The following SPACA7 variants were observed in gnomAD, a reference collection of about 807,000 sequenced individuals.
The protein encoded by SPACA7 is sperm acrosome-associated protein 7.
SPACA7 carries 19 observed loss-of-function variants against 26.3 expected under a neutral mutation model. The observed-to-expected ratio is 0.72, with a 90% CI of 0.50 to 1.06. SPACA7 has a LOEUF of 1.06. Among genes scored for constraint, SPACA7 ranks in the 50% least tolerant of loss-of-function variants. The pLI is 0.00. For missense variants in SPACA7, 211 were observed against 229.9 expected (o/e 0.92, Z 0.53); for synonymous variants, 84 against 84.5 (o/e 0.99, Z 0.04).
intron 2 of SPACA7, 57 bp downstream of exon 2, chr13:112,393,134 G>A: frequency 1.4e-6 from 2 of 1,417,450 alleles, no homozygotes; most frequent in Non-Finnish European, 2.0e-6. Context: ...CTGGATGGTT[G>A]TCTGTGGCTG....
chr13:112,379,151 A>G (rs1883884900), intron 1 of SPACA7, among the ~76,000 whole-genome samples: 1 of 152,224 alleles, frequency 6.6e-6, no homozygotes, highest in Non-Finnish European at 1.5e-5. Context: ...GTCCCACATC[A>G]TTAATTCTTG....
intron 2 of SPACA7, among the ~76,000 whole-genome samples, chr13:112,397,359 AG>A (rs1885341977): frequency 6.6e-6 from 1 of 152,122 alleles, no homozygotes; most frequent in African/African-American, 2.4e-5. Flanking sequence ...CTGCAGAGAC[AG>A]CGGTGACTCT....
At position 112,400,750 on chromosome 13, in the gene SPACA7, T is replaced by C. The variant is rs578184189; in HGVS notation, c.350-319T>C. ...GTATCTTTCCATTGTTTGCAATATT[T>C]TGCCATTTCAAACACAGCTGCAGTG... On this transcript the variant is annotated intron_variant, in intron 4 of 6. Coordinates refer to ENST00000283550, the MANE Select transcript of SPACA7 (RefSeq NM_145248.5). Among the ~76,000 whole-genome samples the C allele has an allele frequency of 1.8e-4, 28 of 152,350 alleles. No homozygotes were observed. The South Asian group carries it at 5.8e-3, about 32-fold the overall frequency.
At chr13:112,394,517 A>G (rs570445329) in intron 2 of SPACA7, among the ~76,000 whole-genome samples, 15 of 137,418 alleles carry the variant, frequency 1.1e-4, no homozygotes, top group African/African-American at 3.9e-4. Context: ...CCCTTTCCAC[A>G]TCTGGGTGGG....
intron 1 of SPACA7, among the ~76,000 whole-genome samples, chr13:112,383,163 AAGAAAGAAAGAAAGAAAGAAAG>A (rs1884287118): frequency 7.0e-6 from 1 of 143,120 alleles, no homozygotes; most frequent in Non-Finnish European, 1.5e-5. Context: ...GAAAGAAAGA[AAGAAAGAAAGAAAGAAAGAAAG>A]AAAGAAAGAA....
chr13:112,393,219 T>A (rs1366994672), intron 2 of SPACA7, 142 bp downstream of exon 2: 1 of 588,274 alleles, frequency 1.7e-6, no homozygotes, highest in African/African-American at 1.8e-5. Flanking sequence ...CATATACCAA[T>A]GGCCCATAGC....
chr13:112,416,804 T>TTGTG (rs148795567), intron 5 of SPACA7, among the ~76,000 whole-genome samples: 1,764 of 148,028 alleles, frequency 0.012, 30 homozygotes, highest in African/African-American at 0.038. Flanking sequence ...TGATTATGAG[T>TTGTG]TGTGTGTGTG....
intron 5 of SPACA7, among the ~76,000 whole-genome samples, chr13:112,416,236 A>C (rs1371818088): frequency 6.6e-6 from 1 of 151,944 alleles, no homozygotes; most frequent in African/African-American, 2.4e-5. Flanking sequence ...ACTGGAGGGT[A>C]ATATTTAGCT....
chr13:112,404,247 C>T (rs1261443914), intron 5 of SPACA7, among the ~76,000 whole-genome samples: 1 of 152,162 alleles, frequency 6.6e-6, no homozygotes, highest in East Asian at 1.9e-4. Flanking sequence ...CTATTCATGT[C>T]CTCAGCCCAC....
chr13:112,432,271 G>T (rs1877224972), intron 5 of SPACA7, among the ~76,000 whole-genome samples, 173 bp from the exon 6 acceptor site: 1 of 152,230 alleles, frequency 6.6e-6, no homozygotes, highest in African/African-American at 2.4e-5. Context: ...AAATGTTTTT[G>T]ATGGCCTCGC....
At chr13:112,426,490 AT>A (rs1013573217) in intron 5 of SPACA7, among the ~76,000 whole-genome samples, 9 of 152,236 alleles carry the variant, frequency 5.9e-5, no homozygotes, top group African/African-American at 2.2e-4. Flanking sequence ...CTATAGATCA[AT>A]TTGGTAAGAT....
chr13:112,400,678 G>T (rs141236837), intron 4 of SPACA7, among the ~76,000 whole-genome samples: 1 of 152,174 alleles, frequency 6.6e-6, no homozygotes, highest in African/African-American at 2.4e-5. Flanking sequence ...TTTCCTGCCC[G>T]CACTCCTTTC....
chr13:112,415,922 G>A (rs982915763), intron 5 of SPACA7, among the ~76,000 whole-genome samples: 26 of 152,040 alleles, frequency 1.7e-4, no homozygotes, highest in African/African-American at 5.3e-4. Context: ...CAAGGACCAC[G>A]GAATTCTGCC....
chr13:112,431,271 C>T (rs1348124484), intron 5 of SPACA7, among the ~76,000 whole-genome samples: 6 of 152,130 alleles, frequency 3.9e-5, no homozygotes, highest in South Asian at 4.1e-4. Flanking sequence ...TAATGTAAAA[C>T]GGATTAAGAG....
chr13:112,433,472 C>T (rs1160503389), intron 6 of SPACA7, among the ~76,000 whole-genome samples: 1 of 150,698 alleles, frequency 6.6e-6, no homozygotes, highest in East Asian at 2.0e-4. Context: ...TTAGGTGGGC[C>T]TCCCTGTCCC....
chr13:112,381,869 G>A (rs1884092457), intron 1 of SPACA7, among the ~76,000 whole-genome samples: 1 of 152,080 alleles, frequency 6.6e-6, no homozygotes, highest in South Asian at 2.1e-4. Context: ...ATCCATCAAG[G>A]GCAGGATCTG....
At chr13:112,420,922 A>G (rs989550407) in intron 5 of SPACA7, among the ~76,000 whole-genome samples, 14 of 152,214 alleles carry the variant, frequency 9.2e-5, no homozygotes, top group Non-Finnish European at 2.9e-5. Flanking sequence ...CAGTGGAATG[A>G]CATCTTTAAA....
At chr13:112,380,588 C>T (rs1883991990) in intron 1 of SPACA7, among the ~76,000 whole-genome samples, 1 of 151,694 alleles carries the variant, frequency 6.6e-6, no homozygotes, top group Non-Finnish European at 1.5e-5. Flanking sequence ...ATTTTTCTCT[C>T]TCTTTTTTTC....
intron 5 of SPACA7, among the ~76,000 whole-genome samples, chr13:112,413,269 G>A (rs1336190893): frequency 6.6e-6 from 1 of 152,064 alleles, no homozygotes; most frequent in Admixed American, 6.5e-5. Context: ...AGGTCTGGTG[G>A]ATGTGAATTC....
Sources: allele counts gnomAD v4.1 joint callset (sites outside exome capture counted in the v4.1 genomes callset), GRCh38; gene constraint gnomAD v4.1.1; transcripts MANE v1.5; gene names NCBI Gene and HGNC (gene_info 2026-07-23, HGNC 2026-07-21).